POGZ: variants seen among roughly 807,000 people sequenced by gnomAD.
POGZ encodes pogo transposable element derived with ZNF domain.
POGZ carries 17 observed loss-of-function variants against 134.6 expected under a neutral mutation model. That is an observed-to-expected ratio of 0.13 (90% CI 0.09 to 0.19). The LOEUF is 0.19. Among genes scored for constraint, POGZ ranks in the 10% least tolerant of loss-of-function variants. The pLI is 1.00. For missense variants in POGZ, 1,306 were observed against 1,769.7 expected (o/e 0.74, Z 4.70); for synonymous variants, 693 against 657.1 (o/e 1.05, Z -0.84).
At position 151,452,116 on chromosome 1, in the gene POGZ, A is replaced by C. The variant is rs909082415; in HGVS notation, c.-2+7036T>G. On this transcript the variant is annotated intron_variant, in intron 1 of 18. Coordinates refer to ENST00000271715, the MANE Select transcript of POGZ (RefSeq NM_015100.4). The stretch of plus-strand genomic sequence containing the variant: ...CCGTCTCAAAAAAAAAAAAAAAAAA[A>C]AAAAAAGTCAATGTTGGCCGGGCAT... 2.7e-3 allele frequency among the ~76,000 whole-genome samples: 387 copies of C among 145,898 alleles called. 3 individuals are homozygous for C. Among genetic ancestry groups the C allele is most frequent in the African/African-American group, 8.9e-3 (365 of 40,886 alleles).
intron 1 of POGZ, among the ~76,000 whole-genome samples, chr1:151,450,251 T>G (rs1212043151): frequency 1.3e-5 from 2 of 151,934 alleles, no homozygotes; most frequent in Non-Finnish European, 2.9e-5. Context: ...AGGCTGGTCT[T>G]GAACTCCTGA....
chr1:151,428,729 T>A (rs1189782079), intron 5 of POGZ, among the ~76,000 whole-genome samples: 1 of 152,060 alleles, frequency 6.6e-6, no homozygotes, highest in African/African-American at 2.4e-5. Context: ...TGGGAAGCAA[T>A]ATGGGTGTAT....
At chr1:151,452,803 G>A (rs1662292117) in intron 1 of POGZ, among the ~76,000 whole-genome samples, 1 of 151,666 alleles carries the variant, frequency 6.6e-6, no homozygotes. Context: ...GGCAGAGGTT[G>A]CAGTGAGCCA....
chr1:151,429,741 A>C, intron 4 of POGZ, 30 bp from the exon 5 acceptor site: 2 of 1,277,280 alleles, frequency 1.6e-6, no homozygotes, highest in Non-Finnish European at 2.3e-6. Context: ...GATCTTTAAC[A>C]TGGAGACCAA....
At chr1:151,407,576 C>A (rs1012813843) in intron 15 of POGZ, among the ~76,000 whole-genome samples, 5 of 152,124 alleles carry the variant, frequency 3.3e-5, no homozygotes, top group African/African-American at 1.2e-4. Flanking sequence ...AATAGCAAGG[C>A]CCTATGAAAT....
intron 5 of POGZ, 63 bp downstream of exon 5, chr1:151,429,540 G>C (rs1571463687): frequency 1.2e-5 from 10 of 801,218 alleles, no homozygotes; most frequent in South Asian, 1.1e-4. Flanking sequence ...AGGATATTTA[G>C]AACAATAAAA....
In POGZ at chr1:151,459,208, G is replaced by A. The variant is rs1300615875; in HGVS notation, c.-58C>T. The A allele has an allele frequency of 6.6e-6, 1 of 151,728 alleles. No homozygotes were observed. Among genetic ancestry groups the A allele is most frequent in the Non-Finnish European group, 1.5e-5 (1 of 67,840 alleles). The allele number at this position is 151,728 out of a possible 1,614,324, so 9.4% of individuals were successfully genotyped here. A position where few individuals can be genotyped will look rare whatever the true frequency, so the allele number is the denominator to read the frequency against. ...CCGAGGAAGGCGCCGTCGCCTTAAA[G>A]GGACCTTACACCCGGCGCCAGAAGG... On this transcript the variant is annotated 5_prime_UTR_variant, in exon 1 of 19. Transcript: ENST00000271715.
At chr1:151,416,137 C>T (rs1431071130) in intron 10 of POGZ, among the ~76,000 whole-genome samples, 3 of 128,730 alleles carry the variant, frequency 2.3e-5, no homozygotes, top group Non-Finnish European at 3.2e-5. Context: ...GAACCTGTGA[C>T]GCGGAGGTTG....
chr1:151,414,040 G>C (rs144464310), intron 10 of POGZ, among the ~76,000 whole-genome samples: 30 of 152,242 alleles, frequency 2.0e-4, no homozygotes, highest in African/African-American at 7.2e-4. Flanking sequence ...TAGAAACACT[G>C]TCTACAGGTA....
At position 151,405,295 on chromosome 1, in the gene POGZ, C is replaced by T. The variant is rs1278392750; in HGVS notation, c.3740G>A (p.Ser1247Asn). The change falls in exon 19 of 19, where the codon AGC (serine) becomes AAC (asparagine). Residue 1247 changes from serine (S) to asparagine (N), a missense_variant. Physicochemically the swap from Ser to Asn is conservative, Grantham distance 46 (BLOSUM62 1). Coordinates refer to ENST00000271715, the MANE Select transcript of POGZ (RefSeq NM_015100.4). The surrounding 1 kb of genome is among the most constrained non-coding windows in gnomAD (Gnocchi z 4.9). ...TGCTGGGACCACTGCAGGCAAAGTGCTAGAGGCACTAAGCATAGCCAGTAC... is the reference window on the plus strand; with the variant it reads ...TGCTGGGACCACTGCAGGCAAAGTGTTAGAGGCACTAAGCATAGCCAGTAC... ...EEVLAMLSAS[S>N]TLPAVVPAGC... is the part of the protein sequence containing the mutation. 1 of 1,614,114 alleles carries T rather than the reference C, an allele frequency of 6.2e-7. No individual in the cohort carries two copies. The highest frequency in any genetic ancestry group is 1.3e-5 in the African/African-American group (1 of 74,954).
At chr1:151,410,094 C>T (rs1654403142) in intron 12 of POGZ, among the ~76,000 whole-genome samples, 1 of 152,156 alleles carries the variant, frequency 6.6e-6, no homozygotes, top group African/African-American at 2.4e-5. Flanking sequence ...TCTTATTCTC[C>T]ATTTTGAATC....
intron 1 of POGZ, chr1:151,442,606 G>A (rs1047807211): frequency 1.3e-5 from 2 of 154,824 alleles, no homozygotes; most frequent in African/African-American, 4.8e-5. Context: ...AGCTACTTGG[G>A]AGGCTGAGGC....
chr1:151,429,032 C>A (rs1349157448), intron 5 of POGZ, among the ~76,000 whole-genome samples: 1 of 151,716 alleles, frequency 6.6e-6, no homozygotes, highest in Non-Finnish European at 1.5e-5. Context: ...TTAAGATACT[C>A]TTTTTTGGTC....
Position 151,406,944 on chromosome 1 carries a change from G to T in POGZ, c.2512C>A (p.Pro838Thr), listed in dbSNP as rs1653761000. 1 of 1,613,784 alleles carries T rather than the reference G, an allele frequency of 6.2e-7. No homozygotes were observed. Among genetic ancestry groups the T allele is most frequent in the South Asian group, 1.1e-5 (1 of 91,086 alleles). ...AGGATGCTGCTGGATCTGTGAGAGG[G>T]GTTGAATACCAAATGCTTGGCCATA... ...DAMAKHLVFN[P>T]SHRSSSILPR... is the part of the protein sequence containing the mutation. The change falls in exon 17 of 19, where the codon CCC (proline) becomes ACC (threonine). Residue 838 changes from proline to threonine, a missense_variant. Physicochemically the swap from Pro to Thr is conservative, Grantham distance 38. Around this residue, in one of 10 missense-constraint regions of POGZ, gnomAD observed 214 missense variants for 255.5 expected, o/e 0.84. Transcript: ENST00000271715.
chr1:151,430,698 C>A lies in POGZ; in HGVS notation c.427G>T (p.Val143Leu). The A allele has an allele frequency of 6.2e-7, 1 of 1,609,374 alleles. No individual in the cohort carries two copies. Among genetic ancestry groups the A allele is most frequent in the Non-Finnish European group, 8.5e-7 (1 of 1,177,924 alleles). The change falls in exon 4 of 19, where the codon GTG (valine) becomes TTG (leucine). Residue 143 changes from valine (V) to leucine (L), a missense_variant. Around this residue, in one of 10 missense-constraint regions of POGZ, gnomAD observed 541 missense variants for 680.5 expected, o/e 0.80. Transcript: ENST00000271715. ...QNANHVTSSP[V>L]ASQPIFITTQ... ...GTGATAAATATTGGTTGTGAGGCCA[C>A]AGGGGAACTAGTCACATGATTGGCA...
chr1:151,456,644 G>A (rs1281702660), intron 1 of POGZ, among the ~76,000 whole-genome samples: 2 of 152,200 alleles, frequency 1.3e-5, no homozygotes, highest in African/African-American at 2.4e-5. Context: ...AAGACATGTA[G>A]TCAAAAGCTA....
At chr1:151,452,144 T>C (rs1269099381) in intron 1 of POGZ, among the ~76,000 whole-genome samples, 2 of 145,126 alleles carry the variant, frequency 1.4e-5, no homozygotes, top group Admixed American at 7.0e-5. Flanking sequence ...CCGGGCATGG[T>C]GGCAGGCCAA....
chr1:151,406,654 A>T, intron 17 of POGZ, 23 bp from the exon 18 acceptor site: 1 of 1,602,056 alleles, frequency 6.2e-7, no homozygotes. Context: ...AAACAACAAA[A>T]ATAGTTAGCT....
Position 151,404,810 on chromosome 1 carries a change from C to T in POGZ, c.4225G>A (p.Glu1409Lys). Residue 1409 changes from glutamate (E) to lysine (K), a missense_variant, in exon 19 of 19, where the codon GAG becomes AAG. Coordinates refer to ENST00000271715, the MANE Select transcript of POGZ (RefSeq NM_015100.4). ...GFEEADLDLM[E>K]I The stretch of plus-strand genomic sequence containing the variant: ...CCTCATGACCCCAACACTCAAATCT[C>T]CATCAGATCTAGGTCAGCTTCTTCA... The T allele has an allele frequency of 6.2e-7, 1 of 1,602,196 alleles. No individual in the cohort carries two copies. The highest frequency in any genetic ancestry group is 1.1e-5 in the South Asian group (1 of 89,166).
Sources: allele counts gnomAD v4.1 joint callset (sites outside exome capture counted in the v4.1 genomes callset), GRCh38; gene constraint gnomAD v4.1.1; regional missense constraint gnomAD v4.1.1; non-coding constraint Gnocchi (gnomAD v3.1); transcripts MANE v1.5; gene names NCBI Gene and HGNC (gene_info 2026-07-23, HGNC 2026-07-21).